The following ZNF454 variants were observed in gnomAD, a reference collection of about 807,000 sequenced individuals.
The protein encoded by ZNF454 is zinc finger protein 454.
A neutral mutation model predicts 48.2 loss-of-function variants in ZNF454; 30 were observed. The observed-to-expected ratio is 0.62, with a 90% CI of 0.47 to 0.84. ZNF454 has a LOEUF of 0.84. ZNF454 is among the 40% of genes least tolerant of loss of function. The pLI, the probability that ZNF454 is intolerant of heterozygous loss-of-function variation, is 0.00. For synonymous variants in ZNF454, 204 were observed against 211.4 expected, an observed-to-expected ratio of 0.97 and a Z score of 0.30; for missense variants, 510 against 623.1, an observed-to-expected ratio of 0.82 and a Z score of 1.93.
the ZNF454 span, chr5:178,987,301 C>G: frequency 1.9e-6 from 1 of 529,080 alleles, no homozygotes; most frequent in South Asian, 1.5e-5. Context: ...CCAGCAGTTC[C>G]ACTCCCGGGT....
intron 2 of ZNF454, among the ~76,000 whole-genome samples, chr5:178,945,501 T>G (rs1759293208): frequency 6.8e-6 from 1 of 147,772 alleles, no homozygotes; most frequent in South Asian, 2.2e-4. Context: ...TGGGTGTGTA[T>G]GCTTGTGTCT....
the ZNF454 span, chr5:178,986,607 C>A: frequency 6.2e-7 from 1 of 1,604,214 alleles, no homozygotes; most frequent in Non-Finnish European, 8.5e-7. Flanking sequence ...ACTCGTCCAC[C>A]TGGAAGCGGT....
chr5:178,987,179 G>T, the ZNF454 span: 1 of 702,124 alleles, frequency 1.4e-6, no homozygotes, highest in Non-Finnish European at 2.6e-6. Flanking sequence ...AGAAAATAAC[G>T]AGTGTTGTGA....
At chr5:178,989,220 A>AAGC in the ZNF454 span, 2 of 817,274 alleles carry the variant, frequency 2.4e-6, no homozygotes, top group Non-Finnish European at 3.6e-6. Flanking sequence ...CACCCTCACC[A>AAGC]CCCTCCCCAC....
the ZNF454 span, chr5:178,985,675 C>A: frequency 7.5e-5 from 30 of 398,038 alleles, no homozygotes; most frequent in Middle Eastern, 4.1e-4. Flanking sequence ...TGCACTCCAG[C>A]CTGGGCGACA....
chr5:178,976,259 C>T, the ZNF454 span: 1 of 312,774 alleles, frequency 3.2e-6, no homozygotes, highest in Non-Finnish European at 6.6e-6. Context: ...TTTCTTTTGT[C>T]CACAGCACAT....
chr5:178,963,074 T>C (rs1760049356), intron 4 of ZNF454, among the ~76,000 whole-genome samples: 1 of 151,826 alleles, frequency 6.6e-6, no homozygotes. Flanking sequence ...TTTTGCCCTG[T>C]AAAGCTTAAG....
downstream of ZNF454, among the ~76,000 whole-genome samples, chr5:178,968,468 G>C (rs1581885702): frequency 6.6e-6 from 1 of 152,124 alleles, no homozygotes; most frequent in South Asian, 2.1e-4. Flanking sequence ...ATCTAATAAA[G>C]GCCACCTTTG....
the ZNF454 span, among the ~76,000 whole-genome samples, chr5:178,973,797 C>T: frequency 1.4e-5 from 2 of 147,698 alleles, no homozygotes; most frequent in East Asian, 2.0e-4. Context: ...GAGCCGAGAT[C>T]GCGCCACTGC....
chr5:178,984,775 C>A, the ZNF454 span, among the ~76,000 whole-genome samples: 1 of 152,104 alleles, frequency 6.6e-6, no homozygotes, highest in Non-Finnish European at 1.5e-5. Flanking sequence ...AGGCACGTGG[C>A]GTGTGTGGAA....
rs1760127580 is a variant in ZNF454 at position 178,965,710 on chromosome 5, G to A, written c.1306G>A (p.Gly436Arg). Residue 436 changes from glycine (G) to arginine (R), a missense_variant, in exon 5 of 5, where the codon GGG becomes AGG. Transcript: ENST00000519564. The surrounding 1 kb of genome is among the most constrained non-coding windows in gnomAD (Gnocchi z 5.2). ...ALAQHQRIHT[G>R]EKPYTCNICE... ...AGCCCAACATCAGAGAATTCATACT[G>A]GGGAAAAACCTTATACATGTAACAT... 3 of 1,614,118 alleles carry A rather than the reference G, an allele frequency of 1.9e-6. No individual in the cohort carries two copies. The highest frequency in any genetic ancestry group is 2.2e-5 in the East Asian group (1 of 44,866).
the ZNF454 span, chr5:178,985,658 G>A: frequency 6.7e-4 from 263 of 392,232 alleles, 2 homozygotes; most frequent in South Asian, 3.7e-3. Context: ...AGCTGAGATA[G>A]TGCCACTGCA....
the ZNF454 span, chr5:178,985,404 T>TAA: frequency 0.023 from 7,096 of 314,188 alleles, 195 homozygotes; most frequent in African/African-American, 0.096. Context: ...CCTGTGGCCT[T>TAA]AAAAAAAAAA....
At chr5:178,987,980 G>A in the ZNF454 span, among the ~76,000 whole-genome samples, 1 of 151,076 alleles carries the variant, frequency 6.6e-6, no homozygotes, top group African/African-American at 2.4e-5. Flanking sequence ...GGCTGGTCTC[G>A]AACTCCTGAC....
chr5:178,946,818 G>T lies in ZNF454; in HGVS notation c.161-79G>T. Reference sequence around the variant, plus strand: ...GTCCCATTTCCCAGCAAGCTCTGAGGACCAGGCTTTGTCTTTGCAGTGATT... The same window carrying T: ...GTCCCATTTCCCAGCAAGCTCTGAGTACCAGGCTTTGTCTTTGCAGTGATT... On this transcript the variant is annotated intron_variant, in intron 3 of 4. Coordinates refer to ENST00000519564, the MANE Select transcript of ZNF454 (RefSeq NM_001178089.3). The surrounding 1 kb of genome is among the most constrained non-coding windows in gnomAD (Gnocchi z 4.5). The T allele has an allele frequency of 7.5e-7, 1 of 1,333,502 alleles. No homozygotes were observed. Among genetic ancestry groups the T allele is most frequent in the Non-Finnish European group, 1.1e-6 (1 of 940,712 alleles). The allele number at this position is 1,333,502 out of a possible 1,614,324, so 82.6% of individuals were successfully genotyped here. A position where few individuals can be genotyped will look rare whatever the true frequency, so the allele number is the denominator to read the frequency against.
chr5:178,989,819 A>T, the ZNF454 span: 1 of 316,528 alleles, frequency 3.2e-6, no homozygotes, highest in East Asian at 8.1e-5. Flanking sequence ...AAGCAGGAAG[A>T]CCCAAGGCAA....
the ZNF454 span, chr5:178,979,517 C>G: frequency 6.6e-6 from 1 of 152,222 alleles, no homozygotes; most frequent in Non-Finnish European, 1.5e-5. Context: ...ATCAGAGTTC[C>G]TGCCAGAGAG....
At chr5:178,981,702 C>T in the ZNF454 span, 35 of 1,613,996 alleles carry the variant, frequency 2.2e-5, no homozygotes, top group African/African-American at 4.0e-5. The surrounding 1 kb of genome is among the most constrained non-coding windows in gnomAD (Gnocchi z 5.1). Flanking sequence ...GGGCTGCCAC[C>T]GTGGAGGTGG....
chr5:178,986,529 A>C, the ZNF454 span: 1 of 1,608,236 alleles, frequency 6.2e-7, no homozygotes. Context: ...GGCGCACCAC[A>C]GGTGTGGGGC....
Sources: gnomAD v4.1 joint callset for allele counts (sites outside exome capture counted in the v4.1 genomes callset) on GRCh38, gnomAD v4.1.1 for gene constraint, Gnocchi (gnomAD v3.1) non-coding constraint, MANE v1.5 for transcripts, NCBI Gene and HGNC (gene_info 2026-07-23, HGNC 2026-07-21) for gene names.